GALNT17: variants seen among roughly 807,000 people sequenced by gnomAD.
GALNT17 encodes polypeptide N-acetylgalactosaminyltransferase 17, also known as UDP-GalNAc:polypeptide N-acetylgalactosaminyltransferase-like 3.
GALNT17 carries 29 observed loss-of-function variants against 63.7 expected under a neutral mutation model. The observed-to-expected ratio is 0.46, with a 90% CI of 0.34 to 0.62. The LOEUF (loss-of-function observed/expected upper bound fraction) is 0.62, where lower values mean the gene tolerates loss of function less well. Ranked by LOEUF, GALNT17 falls within the 20% of genes least tolerant of loss-of-function variation. The pLI is 0.01. For synonymous variants in GALNT17, 305 were observed against 318.3 expected, an observed-to-expected ratio of 0.96 and a Z score of 0.45; for missense variants, 603 against 799.6, an observed-to-expected ratio of 0.75 and a Z score of 2.97.
chr7:71,171,015 CT>C (rs1257434119), intron 1 of GALNT17, among the ~76,000 whole-genome samples: 1 of 151,528 alleles, frequency 6.6e-6, no homozygotes, highest in African/African-American at 2.4e-5. Flanking sequence ...TTTTTTTTCC[CT>C]TAAGGTGACT....
At chr7:71,622,062 T>C (rs1466688435) in intron 6 of GALNT17, among the ~76,000 whole-genome samples, 1 of 152,168 alleles carries the variant, frequency 6.6e-6, no homozygotes, top group Non-Finnish European at 1.5e-5. Context: ...TTCCAACTTT[T>C]GGTACTTTGG....
chr7:71,670,891 TGTGTGTGTGTGC>T (rs766204915), intron 8 of GALNT17, among the ~76,000 whole-genome samples: 94 of 84,960 alleles, frequency 1.1e-3, no homozygotes, highest in Non-Finnish European at 3.0e-3. Flanking sequence ...TGTGTGTGTG[TGTGTGTGTGTGC>T]GTGTGTGTGT....
chr7:71,521,234 T>C lies in GALNT17; in HGVS notation c.963-50051T>C, dbSNP rs911851874. On this transcript the variant is annotated intron_variant, in intron 5 of 10. Transcript: ENST00000333538. ...ATGCTCAGATAGATCCCAAATCTTT[T>C]TTTTTTTTTCCCCAAATCAGGTTCT... 3.2e-3 allele frequency among the ~76,000 whole-genome samples: 491 copies of C among 152,236 alleles called. 2 individuals are homozygous for C. The highest frequency in any genetic ancestry group is 0.011 in the African/African-American group (469 of 41,538).
chr7:71,592,717 A>G (rs917402377), intron 6 of GALNT17, among the ~76,000 whole-genome samples: 3 of 152,072 alleles, frequency 2.0e-5, no homozygotes, highest in Non-Finnish European at 4.4e-5. Flanking sequence ...CTCAGTCTGG[A>G]TGGTTTCTGC....
At chr7:71,472,220 C>T (rs1269916103) in intron 5 of GALNT17, among the ~76,000 whole-genome samples, 1 of 152,106 alleles carries the variant, frequency 6.6e-6, no homozygotes, top group African/African-American at 2.4e-5. Flanking sequence ...TCCTCATGAC[C>T]TCATCACTTC....
intron 1 of GALNT17, among the ~76,000 whole-genome samples, chr7:71,214,297 C>A (rs991432687): frequency 6.6e-6 from 1 of 152,168 alleles, no homozygotes; most frequent in African/African-American, 2.4e-5. Flanking sequence ...CGAAGAGTAC[C>A]TTGAAGTCTC....
chr7:71,149,215 G>T (rs1050331459), intron 1 of GALNT17, among the ~76,000 whole-genome samples: 3 of 152,036 alleles, frequency 2.0e-5, no homozygotes, highest in African/African-American at 7.2e-5. Context: ...CACCACGCCT[G>T]GCTAATACAC....
intron 5 of GALNT17, among the ~76,000 whole-genome samples, chr7:71,458,375 A>G (rs1316909333): frequency 2.0e-5 from 3 of 152,196 alleles, no homozygotes; most frequent in African/African-American, 7.2e-5. Flanking sequence ...AGTCAGGTGC[A>G]GGAGCGGGGG....
chr7:71,339,646 T>C (rs1222571247), intron 2 of GALNT17, among the ~76,000 whole-genome samples: 1 of 151,322 alleles, frequency 6.6e-6, no homozygotes, highest in African/African-American at 2.4e-5. Flanking sequence ...GCTGAGATCA[T>C]GCCACTGCAC....
intron 2 of GALNT17, among the ~76,000 whole-genome samples, chr7:71,341,684 T>G (rs538326620): frequency 6.6e-6 from 1 of 152,346 alleles, no homozygotes; most frequent in Non-Finnish European, 1.5e-5. Context: ...CAGTCATCTA[T>G]AGAATACTTT....
intron 5 of GALNT17, among the ~76,000 whole-genome samples, chr7:71,544,364 A>G (rs1788946495): frequency 6.8e-6 from 1 of 146,376 alleles, no homozygotes; most frequent in African/African-American, 2.5e-5. Context: ...GGATGGTCTC[A>G]ATCTCCTGAC....
chr7:71,266,951 T>C (rs1790501726), intron 1 of GALNT17, among the ~76,000 whole-genome samples: 1 of 152,228 alleles, frequency 6.6e-6, no homozygotes, highest in South Asian at 2.1e-4. Flanking sequence ...TAAAATGCTG[T>C]CATTTTTTAA....
intron 2 of GALNT17, among the ~76,000 whole-genome samples, chr7:71,386,653 T>G (rs1187754534): frequency 1.3e-5 from 2 of 152,164 alleles, no homozygotes; most frequent in South Asian, 2.1e-4. Context: ...GAGTCCATAC[T>G]GGATGAGAGG....
chr7:71,244,340 T>C (rs537619107), intron 1 of GALNT17, among the ~76,000 whole-genome samples: 15 of 152,184 alleles, frequency 9.9e-5, no homozygotes, highest in Non-Finnish European at 1.9e-4. Context: ...CATTTGGAGT[T>C]CTGACACCTA....
chr7:71,699,341 G>T (rs1006073521), intron 9 of GALNT17, among the ~76,000 whole-genome samples: 2 of 151,752 alleles, frequency 1.3e-5, no homozygotes, highest in Non-Finnish European at 2.9e-5. Flanking sequence ...AGCCTGGCAT[G>T]GTGGTGCACC....
chr7:71,277,491 G>A (rs1790703794), intron 1 of GALNT17, among the ~76,000 whole-genome samples: 1 of 152,036 alleles, frequency 6.6e-6, no homozygotes, highest in Admixed American at 6.6e-5. Context: ...ACCTAAAATT[G>A]AAGAAAACAA....
chr7:71,223,371 G>C (rs986622013), intron 1 of GALNT17, among the ~76,000 whole-genome samples: 2 of 152,016 alleles, frequency 1.3e-5, no homozygotes, highest in Non-Finnish European at 2.9e-5. Flanking sequence ...ATTTATATCA[G>C]TATGGACTTA....
chr7:71,318,587 G>GT (rs959462043), intron 1 of GALNT17, among the ~76,000 whole-genome samples: 9 of 151,076 alleles, frequency 6.0e-5, no homozygotes, highest in Non-Finnish European at 8.9e-5. Context: ...GCCCAGCTAA[G>GT]TTTTTTTTTC....
At chr7:71,280,597 T>G (rs1280531595) in intron 1 of GALNT17, among the ~76,000 whole-genome samples, 1 of 152,144 alleles carries the variant, frequency 6.6e-6, no homozygotes, top group Non-Finnish European at 1.5e-5. Flanking sequence ...AACTGAGAAG[T>G]TCAGAGTTGC....
Sources: gnomAD v4.1 joint callset for allele counts (sites outside exome capture counted in the v4.1 genomes callset) on GRCh38, gnomAD v4.1.1 for gene constraint, MANE v1.5 for transcripts, NCBI Gene and HGNC (gene_info 2026-07-23, HGNC 2026-07-21) for gene names.